The following THEMIS variants were observed in gnomAD, a reference collection of about 807,000 sequenced individuals.
The protein encoded by THEMIS is thymocyte selection associated, also known as protein THEMIS.
In THEMIS, 37 loss-of-function variants were observed where a neutral mutation model predicts 52.6. The observed-to-expected ratio is 0.70, with a 90% CI of 0.54 to 0.93. The LOEUF (loss-of-function observed/expected upper bound fraction) is 0.93. Ranked by LOEUF, THEMIS falls within the 40% of genes least tolerant of loss-of-function variation. The pLI is 0.00. For synonymous variants in THEMIS, 292 were observed against 272.7 expected, an observed-to-expected ratio of 1.07 and a Z score of -0.70; for missense variants, 808 against 763.1, an observed-to-expected ratio of 1.06 and a Z score of -0.69.
chr6:127,841,584 A>G (rs1461664531), intron 2 of THEMIS, among the ~76,000 whole-genome samples: 1 of 152,040 alleles, frequency 6.6e-6, no homozygotes, highest in Non-Finnish European at 1.5e-5. Context: ...CTGATATTAC[A>G]ATGCACATAG....
the THEMIS span, among the ~76,000 whole-genome samples, chr6:127,698,481 C>A: frequency 6.6e-6 from 1 of 151,844 alleles, no homozygotes; most frequent in Admixed American, 6.6e-5. Context: ...GTTTCAGAGG[C>A]CATATTAAAA....
chr6:127,711,692 A>T (rs748656598), intron 5 of THEMIS, among the ~76,000 whole-genome samples: 2 of 152,058 alleles, frequency 1.3e-5, no homozygotes, highest in African/African-American at 2.4e-5. Flanking sequence ...ATTTTTAGGC[A>T]GTATGCCCAG....
At chr6:127,868,554 T>C (rs1301892281) in intron 1 of THEMIS, 1 of 834,112 alleles carries the variant, frequency 1.2e-6, no homozygotes, top group Non-Finnish European at 1.4e-6. Flanking sequence ...TTGCTTAAAG[T>C]GACCAGCTCA....
intron 4 of THEMIS, among the ~76,000 whole-genome samples, chr6:127,720,170 A>G (rs1774315430): frequency 6.6e-6 from 1 of 151,944 alleles, no homozygotes; most frequent in Non-Finnish European, 1.5e-5. Context: ...CCAGCACTTC[A>G]TTATATATTA....
At chr6:127,899,664 A>G (rs891694713) in intron 1 of THEMIS, among the ~76,000 whole-genome samples, 8 of 151,792 alleles carry the variant, frequency 5.3e-5, no homozygotes, top group Non-Finnish European at 8.8e-5. Context: ...ACATAGGAAA[A>G]TATCTTTTTA....
chr6:127,869,930 T>C (rs1050396994), intron 1 of THEMIS, among the ~76,000 whole-genome samples: 2 of 152,272 alleles, frequency 1.3e-5, no homozygotes, highest in African/African-American at 4.8e-5. Flanking sequence ...AAAGGCTGAA[T>C]AGAGAACTTA....
intron 1 of THEMIS, among the ~76,000 whole-genome samples, chr6:127,881,859 A>C (rs1780493592): frequency 6.6e-6 from 1 of 151,788 alleles, no homozygotes; most frequent in Non-Finnish European, 1.5e-5. Context: ...ACATTCTTAA[A>C]CTTCACATTT....
intron 4 of THEMIS, among the ~76,000 whole-genome samples, chr6:127,795,552 T>C (rs910705888): frequency 6.6e-6 from 1 of 152,142 alleles, no homozygotes; most frequent in Non-Finnish European, 1.5e-5. Flanking sequence ...ACGGTCTCGA[T>C]CTCCTGACCT....
intron 4 of THEMIS, among the ~76,000 whole-genome samples, chr6:127,722,884 T>C (rs1774411463): frequency 1.3e-5 from 2 of 152,034 alleles, no homozygotes; most frequent in Admixed American, 6.6e-5. Context: ...TTGGACAATA[T>C]CCATATCTAC....
chr6:127,829,544 G>A lies in THEMIS; in HGVS notation c.641C>T (p.Pro214Leu). Residue 214 changes from proline to leucine, a missense_variant, in exon 3 of 6, where the codon CCA becomes CTA. Pro to Leu is a moderately conservative substitution (Grantham distance 98, BLOSUM62 -3). Coordinates refer to ENST00000368248, the MANE Select transcript of THEMIS (RefSeq NM_001010923.3). ...DFSNKWDSTN[P>L]FPKDFYGTLI... Reference sequence around the variant, plus strand: ...GGTACCATAAAAGTCTTTAGGAAATGGATTCGTTGAGTCCCACTTATTTGA... The same window carrying A: ...GGTACCATAAAAGTCTTTAGGAAATAGATTCGTTGAGTCCCACTTATTTGA... The A allele has an allele frequency of 6.2e-7, 1 of 1,613,748 alleles. No homozygotes were observed.
chr6:127,813,648 G>A lies in THEMIS; in HGVS notation c.993C>T (p.His331=). 6.2e-7 allele frequency: 1 copy of A among 1,614,164 alleles called. No homozygotes were observed. The stretch of plus-strand genomic sequence containing the variant: ...CTTTATAGCTAGTGGGGATCAAGAA[G>A]TGTCTTTTAGGAAAATTGCTTCTAA... ...SEIRSNFPKR[H]FLIPTSYKGK... The change falls in exon 4 of 6, where the codon CAC becomes CAT. Residue 331 remains histidine, a synonymous_variant. Coordinates refer to ENST00000368248, the MANE Select transcript of THEMIS (RefSeq NM_001010923.3).
chr6:127,755,563 A>G (rs1775793765), intron 4 of THEMIS, among the ~76,000 whole-genome samples: 1 of 152,182 alleles, frequency 6.6e-6, no homozygotes, highest in Non-Finnish European at 1.5e-5. Context: ...TGTTGTATAA[A>G]CATTTTGCAC....
the THEMIS span, among the ~76,000 whole-genome samples, chr6:127,701,037 C>T: frequency 6.6e-5 from 10 of 151,968 alleles, no homozygotes; most frequent in East Asian, 1.9e-4. Flanking sequence ...CAGTGAAGTG[C>T]GTAATTCTAT....
chr6:127,730,022 C>A (rs191869314), intron 4 of THEMIS, among the ~76,000 whole-genome samples: 2 of 152,030 alleles, frequency 1.3e-5, no homozygotes, highest in African/African-American at 4.8e-5. Context: ...GTAATCCCTG[C>A]GCTTTGGGAA....
chr6:127,893,391 C>T lies in THEMIS; in HGVS notation c.91+7451G>A, dbSNP rs955897614. ...TCATTTTGCTAAATTCTTTATATGC[C>T]ATAGCTCAATTAATCTTCACATCAT... On this transcript the variant is annotated intron_variant, in intron 1 of 5. Coordinates refer to ENST00000368248, the MANE Select transcript of THEMIS (RefSeq NM_001010923.3). 3.3e-5 allele frequency among the ~76,000 whole-genome samples: 5 copies of T among 152,138 alleles called. No individual in the cohort carries two copies. In the South Asian group the frequency reaches 8.3e-4, roughly 25 times the overall value.
chr6:127,916,639 A>G (rs1449961377), intron 1 of THEMIS, among the ~76,000 whole-genome samples: 3 of 152,224 alleles, frequency 2.0e-5, no homozygotes, highest in Admixed American at 6.5e-5. Flanking sequence ...AGTGGCTGAC[A>G]ATGCTCAGAC....
At chr6:127,829,068 G>A (rs377582778) in intron 3 of THEMIS, among the ~76,000 whole-genome samples, 72 of 152,210 alleles carry the variant, frequency 4.7e-4, no homozygotes, top group African/African-American at 1.7e-3. Flanking sequence ...AGAAGTAAGG[G>A]ATGCATCAAG....
rs147954282 is a variant in THEMIS, at chr6:127,813,241, G to A, written c.1400C>T (p.Ser467Phe). ...GGCAGCCAACACGTCCTCTTCAATGGAAAGATCCCTGACAGACACCTTCAC... is the reference window on the plus strand; with the variant it reads ...GGCAGCCAACACGTCCTCTTCAATGAAAAGATCCCTGACAGACACCTTCAC... ...FNVKVSVRDLSIEEDVLAATP... is the reference protein window; with the variant it reads ...FNVKVSVRDLFIEEDVLAATP... Residue 467 changes from serine to phenylalanine, a missense_variant, in exon 4 of 6, where the codon TCC becomes TTC. Transcript: ENST00000368248. 1.1e-4 allele frequency: 170 copies of A among 1,614,018 alleles called. No individual in the cohort carries two copies. In the African/African-American group the frequency reaches 1.6e-3, roughly 15 times the overall value.
At chr6:127,814,951 G>A (rs1171438326) in intron 3 of THEMIS, among the ~76,000 whole-genome samples, 2 of 152,240 alleles carry the variant, frequency 1.3e-5, no homozygotes, top group South Asian at 2.1e-4. Context: ...CAGCCCAGGA[G>A]TTCGAGACTA....
Sources: gnomAD v4.1 joint callset for allele counts (sites outside exome capture counted in the v4.1 genomes callset) on GRCh38, gnomAD v4.1.1 for gene constraint, MANE v1.5 for transcripts, NCBI Gene and HGNC (gene_info 2026-07-23, HGNC 2026-07-21) for gene names.